PRIM2: variants seen among roughly 807,000 people sequenced by gnomAD.
The protein encoded by PRIM2 is DNA primase subunit 2.
In PRIM2, 39 loss-of-function variants were observed where a neutral mutation model predicts 67.3. That is an observed-to-expected ratio of 0.58 (90% CI 0.45 to 0.76). The LOEUF is 0.76. Ranked by LOEUF, PRIM2 falls within the 30% of genes least tolerant of loss-of-function variation. The pLI, the probability that PRIM2 is intolerant of heterozygous loss-of-function variation, is 0.00. For missense variants in PRIM2, 398 were observed against 598.7 expected (o/e 0.66, Z 3.50); for synonymous variants, 143 against 198.7 (o/e 0.72, Z 2.36).
the PRIM2 span, among the ~76,000 whole-genome samples, chr6:57,268,947 T>G: frequency 1.2e-4 from 18 of 151,728 alleles, no homozygotes; most frequent in African/African-American, 4.1e-4. Context: ...TCCATGTCCC[T>G]ACAAAGGACA....
chr6:57,539,652 GTGTGTATATATATA>G (rs1340859831), intron 10 of PRIM2, among the ~76,000 whole-genome samples: 37 of 68,166 alleles, frequency 5.4e-4, no homozygotes, highest in African/African-American at 1.9e-3. Context: ...GTGTGTGTGT[GTGTGTATATATATA>G]TATATATGCA....
chr6:57,240,091 G>GTTTTTTTTTTTTTTTTTTTTT, the PRIM2 span, among the ~76,000 whole-genome samples: 13 of 90,006 alleles, frequency 1.4e-4, no homozygotes, highest in African/African-American at 4.9e-4. Context: ...TCAATAATCT[G>GTTTTTTTTTTTTTTTTTTTTT]TTTTTTTTTT....
chr6:57,583,008 A>G (rs1317931865), intron 10 of PRIM2, among the ~76,000 whole-genome samples: 3 of 132,278 alleles, frequency 2.3e-5, no homozygotes, highest in African/African-American at 8.7e-5. Context: ...TCATTGTTCA[A>G]TTCCCACCTA....
chr6:57,531,480 G>T (rs1396278106), intron 8 of PRIM2, among the ~76,000 whole-genome samples: 1 of 152,138 alleles, frequency 6.6e-6, no homozygotes, highest in Non-Finnish European at 1.5e-5. Flanking sequence ...TAATCTAGCA[G>T]CTGTTTTTTG....
rs569968892 is a variant in PRIM2, at chr6:57,432,726, T to C, written c.693+50558T>C. Among the ~76,000 whole-genome samples, 53 of 152,360 alleles carry C rather than the reference T, an allele frequency of 3.5e-4. 1 individual carries two copies. The South Asian group carries it at 0.01, about 29-fold the overall frequency. ...ATATACCTCACAGGATGTTAAGCTT[T>C]TAAAAAAATTCCTGTAGAACATTGA... is the stretch of plus-strand genomic sequence containing the variant. On this transcript the variant is annotated intron_variant, in intron 7 of 13. Transcript: ENST00000615550.
At chr6:57,376,868 A>T (rs540961126) in intron 5 of PRIM2, among the ~76,000 whole-genome samples, 1 of 152,050 alleles carries the variant, frequency 6.6e-6, no homozygotes, top group African/African-American at 2.4e-5. Flanking sequence ...TAGAAATACA[A>T]TTAGTTTTTC....
intron 8 of PRIM2, among the ~76,000 whole-genome samples, chr6:57,516,240 C>CT (rs1352294524): frequency 1.4e-4 from 21 of 152,178 alleles, no homozygotes; most frequent in Non-Finnish European, 2.9e-4. Context: ...TGCAGAGCCC[C>CT]TTTTACCGTG....
chr6:57,311,309 T>C (rs6938582), upstream of PRIM2, among the ~76,000 whole-genome samples: 106,506 of 128,500 alleles, frequency 0.83, 43,470 homozygotes, highest in East Asian at 0.97. Context: ...CTCCTCACTT[T>C]CCATTCAGGG....
At chr6:57,565,418 G>A (rs1421157826) in intron 10 of PRIM2, among the ~76,000 whole-genome samples, 1 of 148,676 alleles carries the variant, frequency 6.7e-6, no homozygotes, top group South Asian at 2.2e-4. Flanking sequence ...ATGATCTGCT[G>A]TCAGCAAGCT....
intron 5 of PRIM2, among the ~76,000 whole-genome samples, chr6:57,338,995 A>G (rs1296406902): frequency 6.6e-6 from 1 of 152,236 alleles, no homozygotes; most frequent in Non-Finnish European, 1.5e-5. Flanking sequence ...CTGATAAGCA[A>G]CTTCAGCAAA....
chr6:57,393,542 T>C (rs1770428600), intron 7 of PRIM2, among the ~76,000 whole-genome samples: 1 of 152,196 alleles, frequency 6.6e-6, no homozygotes, highest in Non-Finnish European at 1.5e-5. Context: ...TTTGAGTTTG[T>C]TGTAGATTCT....
chr6:57,513,830 T>C (rs1554347947), intron 8 of PRIM2, among the ~76,000 whole-genome samples: 1 of 152,210 alleles, frequency 6.6e-6, no homozygotes, highest in East Asian at 1.9e-4. Context: ...GCCAGGATCA[T>C]GCCACTGCAC....
intron 12 of PRIM2, among the ~76,000 whole-genome samples, chr6:57,616,323 A>G (rs1418554399): frequency 3.3e-4 from 50 of 152,316 alleles, no homozygotes; most frequent in African/African-American, 1.2e-3. Flanking sequence ...GGAGAAGGCA[A>G]GAAACTGCTC....
At chr6:57,524,548 A>T (rs1774701852) in intron 8 of PRIM2, among the ~76,000 whole-genome samples, 1 of 152,072 alleles carries the variant, frequency 6.6e-6, no homozygotes, top group South Asian at 2.1e-4. Flanking sequence ...CTAAAAATAC[A>T]AAATTAGCCA....
At chr6:57,406,982 A>G (rs1277462154) in intron 7 of PRIM2, among the ~76,000 whole-genome samples, 1 of 150,704 alleles carries the variant, frequency 6.6e-6, no homozygotes, top group Non-Finnish European at 1.5e-5. Flanking sequence ...GAATAAGGTA[A>G]TGATCTAGAA....
chr6:57,325,671 C>T (rs576019220), intron 4 of PRIM2, among the ~76,000 whole-genome samples: 2 of 152,268 alleles, frequency 1.3e-5, no homozygotes, highest in Non-Finnish European at 2.9e-5. Flanking sequence ...AAAAATAATG[C>T]AGCTAGTCTC....
At chr6:57,224,980 G>C in the PRIM2 span, among the ~76,000 whole-genome samples, 1 of 152,184 alleles carries the variant, frequency 6.6e-6, no homozygotes, top group African/African-American at 2.4e-5. Flanking sequence ...TATCACCAGA[G>C]CACCAACTTG....
At chr6:57,222,275 C>T in the PRIM2 span, 3 of 152,440 alleles carry the variant, frequency 2.0e-5, no homozygotes, top group African/African-American at 7.2e-5. Context: ...TCTCGACTCC[C>T]CTCATCTGTG....
At chr6:57,606,331 G>C in intron 11 of PRIM2, 44 bp from the exon 12 acceptor site, 1 of 1,519,760 alleles carries the variant, frequency 6.6e-7, no homozygotes, top group Non-Finnish European at 9.0e-7. Context: ...CTAAGTTGTG[G>C]ATAAATAACC....
Sources: allele counts gnomAD v4.1 joint callset (sites outside exome capture counted in the v4.1 genomes callset), GRCh38; gene constraint gnomAD v4.1.1; transcripts MANE v1.5; gene names NCBI Gene and HGNC (gene_info 2026-07-23, HGNC 2026-07-21).